Variants in CNTN3 observed in about 807,000 individuals in gnomAD.
The protein encoded by CNTN3 is contactin-3.
A neutral mutation model predicts 119.1 loss-of-function variants in CNTN3; 60 were observed. The observed-to-expected ratio is 0.50, with a 90% CI of 0.41 to 0.62. The LOEUF (loss-of-function observed/expected upper bound fraction) is 0.62, where lower values mean the gene tolerates loss of function less well. CNTN3 is among the 20% of genes least tolerant of loss of function. The pLI, the probability that CNTN3 is intolerant of heterozygous loss-of-function variation, is 0.00. For missense variants in CNTN3, 1,101 were observed against 1,242.4 expected, an observed-to-expected ratio of 0.89 and a Z score of 1.71; for synonymous variants, 450 against 438.7, an observed-to-expected ratio of 1.03 and a Z score of -0.32.
rs1702094928 is a variant in CNTN3, at chr3:74,285,587, G to T, written c.2518-96C>A. ...TAAAATGGGCACTGACTTATTTCCT[G>T]ATTTGTTCAACCAATATTTACTGAA... On this transcript the variant is annotated intron_variant, in intron 19 of 22. Transcript: ENST00000263665. The T allele has an allele frequency of 8.7e-6, 11 of 1,257,772 alleles. No homozygotes were observed. In the South Asian group the frequency reaches 1.6e-4, roughly 18 times the overall value. 77.9% of individuals were successfully genotyped at this position (1,257,772 alleles called of 1,614,324 possible). A position where few individuals can be genotyped will look rare whatever the true frequency, so the allele number is the denominator to read the frequency against.
At chr3:74,308,308 G>C (rs1412358192) in intron 13 of CNTN3, among the ~76,000 whole-genome samples, 4 of 152,170 alleles carry the variant, frequency 2.6e-5, no homozygotes, top group African/African-American at 9.7e-5. Flanking sequence ...TTTTCTGACT[G>C]ATTACCAGTT....
At chr3:74,434,366 G>A (rs764075220) in intron 4 of CNTN3, among the ~76,000 whole-genome samples, 1 of 152,128 alleles carries the variant, frequency 6.6e-6, no homozygotes, top group Non-Finnish European at 1.5e-5. Context: ...GTTTCATAAC[G>A]ATTCCTGTTT....
At chr3:74,448,308 T>C (rs1389601637) in intron 4 of CNTN3, among the ~76,000 whole-genome samples, 1 of 152,160 alleles carries the variant, frequency 6.6e-6, no homozygotes. Context: ...GCAGAACTAC[T>C]GGACACTAGG....
In CNTN3 at chr3:74,276,943, C is replaced by T. The variant is rs116035765; in HGVS notation, c.2704+8362G>A. Among the ~76,000 whole-genome samples the T allele has an allele frequency of 5.8e-3, 886 of 151,918 alleles. 6 individuals are homozygous for T. Among genetic ancestry groups the T allele is most frequent in the African/African-American group, 0.02 (845 of 41,470 alleles). ...CAAATAACTTCACTAAGAAATGATA[C>T]GGGAGATATTACAACTGACACCACA... On this transcript the variant is annotated intron_variant, in intron 20 of 22. Coordinates refer to ENST00000263665, the MANE Select transcript of CNTN3 (RefSeq NM_020872.3).
At chr3:74,426,708 T>C (rs1701701052) in intron 4 of CNTN3, among the ~76,000 whole-genome samples, 1 of 152,196 alleles carries the variant, frequency 6.6e-6, no homozygotes, top group African/African-American at 2.4e-5. Flanking sequence ...CATAGCGTTG[T>C]ATCACCTTAA....
intron 8 of CNTN3, among the ~76,000 whole-genome samples, chr3:74,367,435 T>G (rs1177979699): frequency 6.6e-6 from 1 of 152,056 alleles, no homozygotes; most frequent in Non-Finnish European, 1.5e-5. Context: ...TATAGAAACA[T>G]GACATTATTC....
intron 5 of CNTN3, among the ~76,000 whole-genome samples, chr3:74,418,321 T>C (rs540495593): frequency 6.9e-5 from 10 of 144,238 alleles, no homozygotes; most frequent in Non-Finnish European, 1.2e-4. Flanking sequence ...AGCCACCATG[T>C]CCACTGCAGA....
chr3:74,588,789 A>G (rs1483314521), intron 1 of CNTN3, among the ~76,000 whole-genome samples: 3 of 152,216 alleles, frequency 2.0e-5, no homozygotes, highest in Admixed American at 2.0e-4. Context: ...CAGAGCCCTC[A>G]GAAATAACGC....
intron 20 of CNTN3, among the ~76,000 whole-genome samples, chr3:74,279,959 C>G (rs1701968348): frequency 6.6e-6 from 1 of 152,012 alleles, no homozygotes; most frequent in Non-Finnish European, 1.5e-5. Flanking sequence ...GATAGCATAA[C>G]AGGGTGACTA....
chr3:74,315,014 T>C (rs1484675062), intron 13 of CNTN3, among the ~76,000 whole-genome samples: 2 of 152,130 alleles, frequency 1.3e-5, no homozygotes, highest in Admixed American at 1.3e-4. Context: ...AAAAATGTAG[T>C]AAAGAAGCCA....
intron 1 of CNTN3, among the ~76,000 whole-genome samples, chr3:74,591,646 T>G (rs1489429699): frequency 6.7e-6 from 1 of 150,012 alleles, no homozygotes; most frequent in African/African-American, 2.5e-5. Context: ...TCGAGATAAG[T>G]GAGTGGCCTG....
intron 13 of CNTN3, among the ~76,000 whole-genome samples, chr3:74,323,342 C>G (rs1703043027): frequency 6.6e-6 from 1 of 152,094 alleles, no homozygotes; most frequent in Non-Finnish European, 1.5e-5. Flanking sequence ...GGGTCCATCT[C>G]AAATGACCAC....
chr3:74,507,615 T>C (rs902984441), intron 2 of CNTN3, among the ~76,000 whole-genome samples: 2 of 138,742 alleles, frequency 1.4e-5, no homozygotes, highest in African/African-American at 5.4e-5. Context: ...TTTTCTTTTC[T>C]TTCTTTCTTT....
intron 1 of CNTN3, among the ~76,000 whole-genome samples, chr3:74,534,606 AG>A (rs1703737759): frequency 6.6e-6 from 1 of 152,058 alleles, no homozygotes; most frequent in Non-Finnish European, 1.5e-5. Flanking sequence ...GAAACTATTC[AG>A]ATATACTGAA....
At chr3:74,320,861 A>G (rs1702970300) in intron 13 of CNTN3, among the ~76,000 whole-genome samples, 1 of 152,100 alleles carries the variant, frequency 6.6e-6, no homozygotes, top group Admixed American at 6.6e-5. Flanking sequence ...GCTCTTCAGA[A>G]TCAGGATTAT....
intron 3 of CNTN3, among the ~76,000 whole-genome samples, chr3:74,496,682 A>G (rs974254972): frequency 3.3e-5 from 5 of 152,092 alleles, no homozygotes; most frequent in African/African-American, 1.2e-4. Flanking sequence ...CCATTTAGAA[A>G]AAGTATTAAT....
intron 22 of CNTN3, among the ~76,000 whole-genome samples, chr3:74,265,876 A>T (rs17012283): frequency 0.04 from 6,146 of 152,192 alleles, 350 homozygotes; most frequent in African/African-American, 0.13. Flanking sequence ...GTGAGGATAA[A>T]ATTTATTCTA....
At chr3:74,614,126 G>T (rs962476127) in intron 1 of CNTN3, among the ~76,000 whole-genome samples, 4 of 152,124 alleles carry the variant, frequency 2.6e-5, no homozygotes, top group Admixed American at 2.6e-4. Context: ...AAGCCCAAGG[G>T]ACCTACCACT....
chr3:74,504,677 T>C (rs1380446974), intron 2 of CNTN3, among the ~76,000 whole-genome samples: 1 of 152,194 alleles, frequency 6.6e-6, no homozygotes, highest in Non-Finnish European at 1.5e-5. Flanking sequence ...CAGATGCTGC[T>C]GGTAGTCCAC....
Sources: allele counts gnomAD v4.1 joint callset (sites outside exome capture counted in the v4.1 genomes callset), GRCh38; gene constraint gnomAD v4.1.1; transcripts MANE v1.5; gene names NCBI Gene and HGNC (gene_info 2026-07-23, HGNC 2026-07-21).